Variants in ARIH2 observed in about 807,000 individuals in gnomAD.
ARIH2 encodes the protein ariadne RBR E3 ubiquitin protein ligase 2, also known as E3 ubiquitin-protein ligase ARIH2.
A neutral mutation model predicts 79.8 loss-of-function variants in ARIH2; 12 were observed. The ratio of observed to expected loss-of-function variants is 0.15; its 90% CI spans 0.10 to 0.24. The LOEUF (loss-of-function observed/expected upper bound fraction) is 0.24, where lower values mean the gene tolerates loss of function less well. Among genes scored for constraint, ARIH2 ranks in the 10% least tolerant of loss-of-function variants. The pLI is 1.00. For synonymous variants in ARIH2, 224 were observed against 213.9 expected, an observed-to-expected ratio of 1.05 and a Z score of -0.41; for missense variants, 301 against 618.3, an observed-to-expected ratio of 0.49 and a Z score of 5.44.
chr3:48,955,058 C>T (rs1284025081), intron 3 of ARIH2, among the ~76,000 whole-genome samples: 2 of 152,034 alleles, frequency 1.3e-5, no homozygotes, highest in African/African-American at 2.4e-5. Context: ...AATAGCTGGG[C>T]GTGGTGTTGA....
At chr3:48,976,402 G>T (rs377534759) in intron 11 of ARIH2, among the ~76,000 whole-genome samples, 2 of 151,768 alleles carry the variant, frequency 1.3e-5, no homozygotes, top group Non-Finnish European at 2.9e-5. Context: ...GTATAGATGC[G>T]GTTTCACCAT....
chr3:48,929,558 G>T (rs2086105864), intron 3 of ARIH2, among the ~76,000 whole-genome samples: 1 of 151,968 alleles, frequency 6.6e-6, no homozygotes, highest in African/African-American at 2.4e-5. Flanking sequence ...TGCCTTCTTT[G>T]GTCTGTGTCC....
At chr3:48,968,765 A>T in intron 7 of ARIH2, 110 bp downstream of exon 7, 1 of 1,446,146 alleles carries the variant, frequency 6.9e-7, no homozygotes, top group East Asian at 2.5e-5. Context: ...GATAGTGTTC[A>T]AAGAAAGCGC....
At chr3:48,958,534 AC>A (rs2090870995) in intron 3 of ARIH2, among the ~76,000 whole-genome samples, 1 of 151,818 alleles carries the variant, frequency 6.6e-6, no homozygotes, top group Non-Finnish European at 1.5e-5. Flanking sequence ...AGATGGTGAA[AC>A]CCTGTCTTTA....
In ARIH2 at chr3:48,957,532, A is replaced by T. The variant is rs2090737545; in HGVS notation, c.256-4080A>T. ...GTTGGACATGGTCAGAATTCCTCTGAGTTACTAGGTGGCATAGTATCTTTG... is the reference window on the plus strand; with the variant it reads ...GTTGGACATGGTCAGAATTCCTCTGTGTTACTAGGTGGCATAGTATCTTTG... On this transcript the variant is annotated intron_variant, in intron 3 of 15. Transcript: ENST00000356401. Among the ~76,000 whole-genome samples, 4 of 152,102 alleles carry T rather than the reference A, an allele frequency of 2.6e-5. No homozygotes were observed. The South Asian group carries it at 8.3e-4, about 32-fold the overall frequency.
chr3:48,927,318 A>T (rs958902831), intron 2 of ARIH2, 144 bp from the exon 3 acceptor site: 3 of 476,810 alleles, frequency 6.3e-6, no homozygotes. Flanking sequence ...GGGGGATGAT[A>T]GTAAGATTCC....
At chr3:48,963,641 G>A (rs749541236) in intron 4 of ARIH2, among the ~76,000 whole-genome samples, 13 of 152,182 alleles carry the variant, frequency 8.5e-5, no homozygotes, top group African/African-American at 1.9e-4. Context: ...TATAGCATAC[G>A]TGTAGTTTTG....
chr3:48,927,423 G>T, intron 2 of ARIH2, 39 bp from the exon 3 acceptor site: 1 of 1,097,436 alleles, frequency 9.1e-7, no homozygotes, highest in East Asian at 2.5e-5. Flanking sequence ...AACTTGTCAT[G>T]GGGAAAAAGT....
At chr3:48,945,301 C>A in intron 3 of ARIH2, 1 of 786,462 alleles carries the variant, frequency 1.3e-6, no homozygotes, top group Non-Finnish European at 1.8e-6. Context: ...GAGCTTCAGC[C>A]AGCTAGAGGA....
chr3:48,950,913 G>T (rs1308922942), intron 3 of ARIH2, among the ~76,000 whole-genome samples: 2 of 140,670 alleles, frequency 1.4e-5, no homozygotes, highest in South Asian at 2.3e-4. Flanking sequence ...CTAACATTTG[G>T]TTTTTGTATA....
At chr3:48,928,627 G>A (rs149631019) in intron 3 of ARIH2, among the ~76,000 whole-genome samples, 1 of 152,152 alleles carries the variant, frequency 6.6e-6, no homozygotes, top group African/African-American at 2.4e-5. Flanking sequence ...AGGGCACCTT[G>A]GCATGATGTC....
In ARIH2 at chr3:48,973,682, T is replaced by C. The variant is rs2092364727; in HGVS notation, c.771-17T>C. On this transcript the variant is annotated splice_polypyrimidine_tract_variant and intron_variant, in intron 8 of 15. Coordinates refer to ENST00000356401, the MANE Select transcript of ARIH2 (RefSeq NM_006321.4). ...GACTTAATGAATATTTGAATGTTTTTCTTTTCCAATTTTAAGTTTCAAGTG... is the reference window on the plus strand; with the variant it reads ...GACTTAATGAATATTTGAATGTTTTCCTTTTCCAATTTTAAGTTTCAAGTG... 6.3e-7 allele frequency: 1 copy of C among 1,597,514 alleles called. No homozygotes were observed. Among genetic ancestry groups the C allele is most frequent in the South Asian group, 1.1e-5 (1 of 90,562 alleles).
intron 3 of ARIH2, among the ~76,000 whole-genome samples, chr3:48,936,622 A>G (rs1054598463): frequency 2.6e-5 from 4 of 152,126 alleles, no homozygotes; most frequent in Non-Finnish European, 4.4e-5. Flanking sequence ...AGTTCCAGCT[A>G]CTTGGGAGGC....
rs2092175972 is a variant in ARIH2, at chr3:48,970,763, C to T, written c.770+59C>T. 2.2e-6 allele frequency: 3 copies of T among 1,338,524 alleles called. No homozygotes were observed. The South Asian group carries it at 3.5e-5, about 16-fold the overall frequency. The allele number at this position is 1,338,524 out of a possible 1,614,324, so 82.9% of individuals were successfully genotyped here. A position where few individuals can be genotyped will look rare whatever the true frequency, so the allele number is the denominator to read the frequency against. On this transcript the variant is annotated intron_variant, in intron 8 of 15. Transcript: ENST00000356401. ...GCTCATGCCCCATCCTCCAAAGCAC[C>T]ACTGCTGTTGCTCCATGTGAGGGCG...
intron 3 of ARIH2, among the ~76,000 whole-genome samples, chr3:48,961,279 T>C (rs2091228788): frequency 6.6e-6 from 1 of 152,214 alleles, no homozygotes; most frequent in Non-Finnish European, 1.5e-5. Flanking sequence ...GGAACATATA[T>C]GACATGAAGG....
chr3:48,961,586 C>A (rs763130779), intron 3 of ARIH2, 26 bp from the exon 4 acceptor site: 1 of 1,418,548 alleles, frequency 7.0e-7, no homozygotes, highest in Non-Finnish European at 9.9e-7. Flanking sequence ...AGTTATAATT[C>A]GATTTTTTTT....
chr3:48,940,481 C>G (rs1170194466), intron 3 of ARIH2, among the ~76,000 whole-genome samples: 3 of 151,946 alleles, frequency 2.0e-5, no homozygotes, highest in Admixed American at 2.0e-4. Context: ...GGGCAGATCA[C>G]TTGAGGTCAG....
chr3:48,923,524 T>A (rs915326287), intron 2 of ARIH2, among the ~76,000 whole-genome samples: 1 of 140,226 alleles, frequency 7.1e-6, no homozygotes, highest in Non-Finnish European at 1.6e-5. Flanking sequence ...ATAGTGAGTG[T>A]TTTTTTTTTT....
chr3:48,936,288 A>G (rs2087109764), intron 3 of ARIH2, among the ~76,000 whole-genome samples: 1 of 152,130 alleles, frequency 6.6e-6, no homozygotes, highest in South Asian at 2.1e-4. Flanking sequence ...TGTAGGAAAG[A>G]TTTGAAAAAG....
Sources: allele counts gnomAD v4.1 joint callset (sites outside exome capture counted in the v4.1 genomes callset), GRCh38; gene constraint gnomAD v4.1.1; transcripts MANE v1.5; gene names NCBI Gene and HGNC (gene_info 2026-07-23, HGNC 2026-07-21).